ACACA: variants seen among roughly 807,000 people sequenced by gnomAD.
ACACA encodes acetyl-CoA carboxylase 1.
A neutral mutation model predicts 296.1 loss-of-function variants in ACACA; 103 were observed. The observed-to-expected ratio is 0.35, with a 90% confidence interval of 0.30 to 0.41. ACACA has a LOEUF of 0.41. ACACA is among the 10% of genes least tolerant of loss of function. The pLI, the probability that ACACA is intolerant of heterozygous loss-of-function variation, is 1.00. For missense variants in ACACA, 1,554 were observed against 2,989.7 expected, an observed-to-expected ratio of 0.52 and a Z score of 11.20; for synonymous variants, 953 against 1,038.6, an observed-to-expected ratio of 0.92 and a Z score of 1.58.
At chr17:37,218,627 T>C (rs958867321) in intron 29 of ACACA, among the ~76,000 whole-genome samples, 15 of 152,196 alleles carry the variant, frequency 9.9e-5, no homozygotes, top group African/African-American at 3.6e-4. Context: ...AGGACTCCAA[T>C]ATGTGTATTT....
At chr17:37,148,302 G>A (rs1377475133) in intron 45 of ACACA, among the ~76,000 whole-genome samples, 1 of 151,430 alleles carries the variant, frequency 6.6e-6, no homozygotes, top group Non-Finnish European at 1.5e-5. Context: ...TTCAGTAGTA[G>A]TGGTTCACAA....
chr17:37,402,785 T>C (rs1352997082), intron 1 of ACACA, among the ~76,000 whole-genome samples: 1 of 152,026 alleles, frequency 6.6e-6, no homozygotes, highest in African/African-American at 2.4e-5. Context: ...CCATTCTTCT[T>C]CCTCAGCCTC....
At chr17:37,350,963 T>C (rs2048871350) in intron 1 of ACACA, among the ~76,000 whole-genome samples, 2 of 150,154 alleles carry the variant, frequency 1.3e-5, no homozygotes, top group Non-Finnish European at 3.0e-5. Context: ...TAAAACCCTG[T>C]CTCTATTAAA....
intron 1 of ACACA, among the ~76,000 whole-genome samples, chr17:37,403,368 C>CTTTTT (rs36037660): frequency 8.9e-6 from 1 of 112,178 alleles, no homozygotes; most frequent in Non-Finnish European, 1.8e-5. Flanking sequence ...TTTGCCACAT[C>CTTTTT]TTTTTTTTTT....
rs1432387041 is a variant in ACACA, at chr17:37,097,661, AAC to A, written c.6720+167_6720+168del. ...AAATTATACATTGTTTTAAGATGATAACAGTTACAGAAACAGTGAAAATCTAA... is the reference window on the plus strand; with the variant it reads ...AAATTATACATTGTTTTAAGATGATAAGTTACAGAAACAGTGAAAATCTAA... On this transcript the variant is annotated intron_variant, in intron 53 of 55. Transcript: ENST00000616317. The surrounding 1 kb of genome is among the most constrained non-coding windows in gnomAD (Gnocchi z 4.8). Among the ~76,000 whole-genome samples, 1 of 152,224 alleles carries A rather than the reference AAC, an allele frequency of 6.6e-6. No individual in the cohort carries two copies. The highest frequency in any genetic ancestry group is 2.4e-5 in the African/African-American group (1 of 41,460).
chr17:37,305,912 T>G (rs1049757662), intron 3 of ACACA, among the ~76,000 whole-genome samples: 53 of 144,100 alleles, frequency 3.7e-4, no homozygotes, highest in Non-Finnish European at 6.1e-4. Context: ...TTGTTTTTTT[T>G]TTTTTTTTTT....
intron 43 of ACACA, among the ~76,000 whole-genome samples, chr17:37,154,746 C>T (rs1187585781): frequency 3.3e-5 from 5 of 152,200 alleles, no homozygotes; most frequent in Non-Finnish European, 5.9e-5. Context: ...ATCTGCCTGC[C>T]TCAGCCTCCC....
intron 19 of ACACA, among the ~76,000 whole-genome samples, chr17:37,246,076 ACTAT>A (rs113038605): frequency 0.041 from 6,209 of 152,174 alleles, 331 homozygotes; most frequent in African/African-American, 0.13. Context: ...CTGCTCTATC[ACTAT>A]CTGTCTTTCA....
At chr17:37,223,208 G>A (rs1341990188) in intron 28 of ACACA, among the ~76,000 whole-genome samples, 1 of 152,124 alleles carries the variant, frequency 6.6e-6, no homozygotes, top group Non-Finnish European at 1.5e-5. Flanking sequence ...CGCTTTTTGT[G>A]TTACAAGGAA....
chr17:37,181,186 A>G lies in ACACA; in HGVS notation c.4932+15T>C, dbSNP rs1399122078. ...CTCCTTAGAACATGTCAGACCCTCCAGTTAGGCATCTTACCTGCCGAAACA... is the reference window on the plus strand; with the variant it reads ...CTCCTTAGAACATGTCAGACCCTCCGGTTAGGCATCTTACCTGCCGAAACA... On this transcript the variant is annotated intron_variant, in intron 40 of 55. Coordinates refer to ENST00000616317, the MANE Select transcript of ACACA (RefSeq NM_198834.3). 1.2e-6 allele frequency: 2 copies of G among 1,614,016 alleles called. No individual in the cohort carries two copies. The highest frequency in any genetic ancestry group is 1.7e-6 in the Non-Finnish European group (2 of 1,179,900).
chr17:37,274,642 C>A, intron 8 of ACACA: 3 of 985,380 alleles, frequency 3.0e-6, no homozygotes, highest in Non-Finnish European at 3.6e-6. Flanking sequence ...TGTGTTCAGG[C>A]CTGCTCCAGG....
chr17:37,264,333 T>C (rs139820989), intron 10 of ACACA, among the ~76,000 whole-genome samples: 107 of 152,370 alleles, frequency 7.0e-4, no homozygotes, highest in African/African-American at 2.5e-3. Context: ...TTTTGAAGAA[T>C]ATTACTGTTG....
chr17:37,344,336 T>C (rs913026782), intron 1 of ACACA, among the ~76,000 whole-genome samples: 5 of 151,824 alleles, frequency 3.3e-5, no homozygotes, highest in African/African-American at 1.2e-4. Flanking sequence ...GACAGGCTGA[T>C]TGCTTGAGGT....
intron 1 of ACACA, among the ~76,000 whole-genome samples, chr17:37,362,932 G>A (rs146155908): frequency 7.8e-4 from 109 of 140,078 alleles, no homozygotes; most frequent in African/African-American, 2.8e-3. Context: ...CTGAGATCGC[G>A]CCACTGCACT....
chr17:37,378,231 C>T (rs2050092753), intron 1 of ACACA, among the ~76,000 whole-genome samples: 1 of 152,182 alleles, frequency 6.6e-6, no homozygotes, highest in Admixed American at 6.5e-5. Flanking sequence ...AATCTATGAG[C>T]ATTTCTCTGT....
At chr17:37,339,782 A>C (rs764221737) in intron 2 of ACACA, 22 bp downstream of exon 2, 3 of 1,341,448 alleles carry the variant, frequency 2.2e-6, no homozygotes, top group African/African-American at 2.8e-5. Context: ...ATTGTAAACA[A>C]GGAGTATTAT....
At chr17:37,112,703 C>T (rs1012175462) in intron 51 of ACACA, among the ~76,000 whole-genome samples, 1 of 152,050 alleles carries the variant, frequency 6.6e-6, no homozygotes, top group Non-Finnish European at 1.5e-5. Context: ...AAGAGAGAAG[C>T]GGGCGGTCCA....
intron 54 of ACACA, among the ~76,000 whole-genome samples, chr17:37,091,930 G>A (rs1462800245): frequency 6.6e-6 from 1 of 152,092 alleles, no homozygotes; most frequent in African/African-American, 2.4e-5. Flanking sequence ...CTCAATTCCA[G>A]TCATCCAGAA....
At chr17:37,300,551 G>C (rs776759898) in intron 3 of ACACA, among the ~76,000 whole-genome samples, 4 of 152,192 alleles carry the variant, frequency 2.6e-5, no homozygotes, top group Admixed American at 6.5e-5. Flanking sequence ...TGCCAACCAC[G>C]CTGAGAATAT....
Sources: allele counts gnomAD v4.1 joint callset (sites outside exome capture counted in the v4.1 genomes callset), GRCh38; gene constraint gnomAD v4.1.1; non-coding constraint Gnocchi (gnomAD v3.1); transcripts MANE v1.5; gene names NCBI Gene and HGNC (gene_info 2026-07-23, HGNC 2026-07-21).